Variants in ZNF385B observed in about 807,000 individuals in gnomAD.
ZNF385B encodes the protein zinc finger protein 533.
In ZNF385B, 23 loss-of-function variants were observed where a neutral mutation model predicts 39.2. The observed-to-expected ratio is 0.59, with a 90% CI of 0.42 to 0.83. The LOEUF (loss-of-function observed/expected upper bound fraction) is 0.83, where lower values mean the gene tolerates loss of function less well. ZNF385B is among the 40% of genes least tolerant of loss of function. The pLI is 0.00. For synonymous variants in ZNF385B, 205 were observed against 222.6 expected (o/e 0.92, Z 0.70); for missense variants, 552 against 598.9 (o/e 0.92, Z 0.82).
In ZNF385B at chr2:179,524,413, G is replaced by A. The variant is rs575108156; in HGVS notation, c.442-5775C>T. On this transcript the variant is annotated intron_variant, in intron 4 of 9. Transcript: ENST00000410066. ...TAAAAATAAAAAAAATTAGCCGGGC[G>A]TGGTGGTGGGCGCCTGTAGTCCCAG... 2.8e-4 allele frequency among the ~76,000 whole-genome samples: 43 copies of A among 151,630 alleles called. 2 individuals carry two copies. In the South Asian group the frequency reaches 8.3e-3, roughly 29 times the overall value.
At chr2:179,773,110 A>G (rs146432522) in intron 1 of ZNF385B, among the ~76,000 whole-genome samples, 40 of 152,356 alleles carry the variant, frequency 2.6e-4, no homozygotes, top group African/African-American at 9.6e-4. Flanking sequence ...GAAATTTTCC[A>G]ATGTTACAAC....
intron 1 of ZNF385B, among the ~76,000 whole-genome samples, chr2:179,785,787 A>G (rs1172742552): frequency 6.6e-6 from 1 of 152,202 alleles, no homozygotes; most frequent in East Asian, 1.9e-4. Flanking sequence ...AATCTTGGTA[A>G]AGATGCTGTG....
intron 3 of ZNF385B, among the ~76,000 whole-genome samples, chr2:179,680,872 T>C (rs1405898352): frequency 6.6e-6 from 1 of 152,138 alleles, no homozygotes; most frequent in Non-Finnish European, 1.5e-5. Flanking sequence ...CTGTGAGAGA[T>C]AAGAAGCACT....
intron 3 of ZNF385B, among the ~76,000 whole-genome samples, chr2:179,556,914 T>C (rs547364876): frequency 1.3e-5 from 2 of 149,292 alleles, no homozygotes; most frequent in Non-Finnish European, 3.0e-5. Flanking sequence ...TGGCAGTCTA[T>C]AGCATGCTAA....
chr2:179,728,290 C>G (rs1701151847), intron 3 of ZNF385B, among the ~76,000 whole-genome samples: 1 of 152,092 alleles, frequency 6.6e-6, no homozygotes, highest in Non-Finnish European at 1.5e-5. Context: ...CAAGCACCTA[C>G]AAAATCACAT....
intron 4 of ZNF385B, among the ~76,000 whole-genome samples, chr2:179,541,555 C>G (rs2059919653): frequency 6.6e-6 from 1 of 151,950 alleles, no homozygotes; most frequent in Non-Finnish European, 1.5e-5. Flanking sequence ...TAAAACTGAC[C>G]TCATTTCTTA....
chr2:179,780,601 C>T (rs1165558591), intron 1 of ZNF385B, among the ~76,000 whole-genome samples: 1 of 152,312 alleles, frequency 6.6e-6, no homozygotes, highest in East Asian at 1.9e-4. Flanking sequence ...GTGCCATGAT[C>T]TCGTTTGGAC....
Position 179,544,924 on chromosome 2 carries a change from G to T in ZNF385B, c.344C>A (p.Pro115His). ...TTTLPALVRTPTLMMQPSLDI... is the reference protein window; with the variant it reads ...TTTLPALVRTHTLMMQPSLDI... ...CAGTGAAGGCTGCATCATCAGGGTA[G>T]GTGTGCGCACAAGAGCAGGAAGGGT... is the stretch of plus-strand genomic sequence containing the variant. The change falls in exon 4 of 10, where the codon CCT becomes CAT. Residue 115 changes from proline (P) to histidine (H), a missense_variant. Pro to His is a moderately conservative substitution (Grantham distance 77). Transcript: ENST00000410066. The T allele has an allele frequency of 1.2e-6, 2 of 1,614,092 alleles. No homozygotes were observed. Among genetic ancestry groups the T allele is most frequent in the South Asian group, 2.2e-5 (2 of 91,086 alleles).
intron 6 of ZNF385B, among the ~76,000 whole-genome samples, chr2:179,461,180 C>T: frequency 6.6e-6 from 1 of 152,182 alleles, no homozygotes; most frequent in Non-Finnish European, 1.5e-5. Context: ...AGATCACATA[C>T]AGCCTGGTAG....
intron 3 of ZNF385B, among the ~76,000 whole-genome samples, chr2:179,624,410 C>G (rs1049535622): frequency 6.6e-6 from 1 of 152,124 alleles, no homozygotes; most frequent in Non-Finnish European, 1.5e-5. Flanking sequence ...TTCACAAATA[C>G]CTAACCATTT....
At chr2:179,683,128 C>G (rs1697650158) in intron 3 of ZNF385B, among the ~76,000 whole-genome samples, 1 of 152,150 alleles carries the variant, frequency 6.6e-6, no homozygotes, top group South Asian at 2.1e-4. Context: ...TGGCTCACAC[C>G]TGTTATCCCA....
chr2:179,834,359 CA>C (rs943255125), intron 1 of ZNF385B, among the ~76,000 whole-genome samples: 23 of 151,846 alleles, frequency 1.5e-4, no homozygotes, highest in African/African-American at 5.1e-4. Context: ...TAAGCTAGAC[CA>C]AAAAAAGTGG....
At chr2:179,649,770 G>T (rs1304096108) in intron 3 of ZNF385B, among the ~76,000 whole-genome samples, 5 of 152,040 alleles carry the variant, frequency 3.3e-5, no homozygotes, top group East Asian at 1.9e-4. Flanking sequence ...AAGCATTGGA[G>T]GTTTGGGGAA....
At chr2:179,747,093 A>G (rs1253413104) in intron 3 of ZNF385B, among the ~76,000 whole-genome samples, 1 of 152,152 alleles carries the variant, frequency 6.6e-6, no homozygotes, top group Non-Finnish European at 1.5e-5. Context: ...AGGATCTCCT[A>G]TAAATGACTG....
At chr2:179,849,651 T>C (rs772939688) in intron 1 of ZNF385B, among the ~76,000 whole-genome samples, 3 of 152,162 alleles carry the variant, frequency 2.0e-5, no homozygotes, top group Non-Finnish European at 2.9e-5. Flanking sequence ...TTATCACCGG[T>C]ATTTCTTTTG....
chr2:179,678,030 T>A (rs758382747), intron 3 of ZNF385B, among the ~76,000 whole-genome samples: 1 of 152,058 alleles, frequency 6.6e-6, no homozygotes, highest in Non-Finnish European at 1.5e-5. Flanking sequence ...TTTTTTTCTA[T>A]CAAGGGGCCA....
chr2:179,553,906 T>C (rs1258649286), intron 3 of ZNF385B, among the ~76,000 whole-genome samples: 1 of 149,038 alleles, frequency 6.7e-6, no homozygotes, highest in African/African-American at 2.5e-5. Context: ...AACACTGTTC[T>C]ACACCTGTTA....
intron 1 of ZNF385B, among the ~76,000 whole-genome samples, chr2:179,834,653 T>G (rs6433811): frequency 0.33 from 49,501 of 152,018 alleles, 8,337 homozygotes; most frequent in Admixed American, 0.45. Flanking sequence ...TCTGGAAAGA[T>G]GCACCTGTGG....
chr2:179,650,052 C>T (rs565749616), intron 3 of ZNF385B, among the ~76,000 whole-genome samples: 11 of 152,224 alleles, frequency 7.2e-5, no homozygotes, highest in South Asian at 2.1e-4. Flanking sequence ...TGGCACAAGG[C>T]GGGCAATAAT....
Sources: allele counts gnomAD v4.1 joint callset (sites outside exome capture counted in the v4.1 genomes callset), GRCh38; gene constraint gnomAD v4.1.1; transcripts MANE v1.5; gene names NCBI Gene and HGNC (gene_info 2026-07-23, HGNC 2026-07-21).